ING5: variants seen among roughly 807,000 people sequenced by gnomAD.
ING5 encodes inhibitor of growth protein 5.
In ING5, 17 loss-of-function variants were observed where a neutral mutation model predicts 37.4. That is an observed-to-expected ratio of 0.45 (90% CI 0.31 to 0.68). The LOEUF is 0.68. Among genes scored for constraint, ING5 ranks in the 30% least tolerant of loss-of-function variants. ING5 has a pLI of 0.05. For missense variants in ING5, 233 were observed against 311.9 expected (o/e 0.75, Z 1.91); for synonymous variants, 123 against 116.6 (o/e 1.06, Z -0.36).
At chr2:241,708,907 GA>G (rs1302257480) in intron 2 of ING5, among the ~76,000 whole-genome samples, 2 of 152,232 alleles carry the variant, frequency 1.3e-5, no homozygotes, top group Admixed American at 6.5e-5. Flanking sequence ...CAGGTCATAG[GA>G]AAGGTGGCTA....
chr2:241,712,952 G>A (rs868038476), intron 5 of ING5, among the ~76,000 whole-genome samples: 1 of 148,406 alleles, frequency 6.7e-6, no homozygotes, highest in Non-Finnish European at 1.5e-5. Context: ...CATGAGCCAC[G>A]ATCGCACCAC....
intron 3 of ING5, among the ~76,000 whole-genome samples, chr2:241,710,177 G>C (rs1246573099): frequency 2.0e-5 from 3 of 152,026 alleles, no homozygotes; most frequent in Non-Finnish European, 4.4e-5. Context: ...TGCTATCTCG[G>C]CTCACTGCAA....
At chr2:241,722,115 G>C (rs1320050471) in intron 5 of ING5, 1 of 985,434 alleles carries the variant, frequency 1.0e-6, no homozygotes. Context: ...GGAGGGCCCG[G>C]GCGCAGGACG....
chr2:241,693,564 C>G (rs2069588951), intron 2 of ING5, among the ~76,000 whole-genome samples: 1 of 151,144 alleles, frequency 6.6e-6, no homozygotes, highest in African/African-American at 2.4e-5. Flanking sequence ...AGACACCATA[C>G]AAGAAGGAAT....
chr2:241,718,849 C>T (rs1437259000), intron 5 of ING5, among the ~76,000 whole-genome samples: 1 of 152,200 alleles, frequency 6.6e-6, no homozygotes, highest in Non-Finnish European at 1.5e-5. Context: ...GCCGGGATCA[C>T]AGGCATGTGC....
intron 5 of ING5, among the ~76,000 whole-genome samples, chr2:241,718,419 C>CTTTT (rs1256765166): frequency 1.2e-5 from 1 of 85,822 alleles, no homozygotes; most frequent in Non-Finnish European, 2.3e-5. Context: ...CTCTTTCTGT[C>CTTTT]TTTTTTTTTT....
chr2:241,699,007 C>T (rs1163922878), upstream of ING5, among the ~76,000 whole-genome samples: 2 of 147,252 alleles, frequency 1.4e-5, no homozygotes, highest in African/African-American at 5.2e-5. Flanking sequence ...GGATTACAGG[C>T]GTGAGCCACC....
chr2:241,722,110 G>A, intron 5 of ING5: 1 of 985,424 alleles, frequency 1.0e-6, no homozygotes, highest in Non-Finnish European at 1.2e-6. Flanking sequence ...TGCGTGGAGG[G>A]CCCGGGCGCA....
chr2:241,723,032 C>G lies in ING5; in HGVS notation c.576C>G (p.His192Gln). Residue 192 changes from histidine to glutamine, a missense_variant, in exon 6 of 8, where the codon CAC (histidine) becomes CAG (glutamine). Around this residue, in one of 4 missense-constraint regions of ING5, gnomAD observed 45 missense variants for 98.2 expected, o/e 0.46. Coordinates refer to ENST00000313552, the MANE Select transcript of ING5 (RefSeq NM_032329.6). The stretch of plus-strand genomic sequence containing the variant: ...ACGAACCCACGTACTGCCTGTGCCA[C>G]CAGGTCTCCTATGGGGAGATGATTG... ...DPNEPTYCLC[H>Q]QVSYGEMIGC... 1.9e-6 allele frequency: 3 copies of G among 1,614,224 alleles called. No individual in the cohort carries two copies. Among genetic ancestry groups the G allele is most frequent in the Non-Finnish European group, 2.5e-6 (3 of 1,180,042 alleles).
chr2:241,726,064 G>A lies in ING5; in HGVS notation c.*1033G>A, dbSNP rs1388502839. On this transcript the variant is annotated 3_prime_UTR_variant, in exon 8 of 8. Transcript: ENST00000313552. ...CGGAGCCATCCTTTCGGTGGTAGTT[G>A]GGGAAGGCTATGCAGATTTGCTCTG... The A allele has an allele frequency of 6.6e-6, 1 of 152,642 alleles. No individual in the cohort carries two copies. Among genetic ancestry groups the A allele is most frequent in the African/African-American group, 2.4e-5 (1 of 41,456 alleles). 9.5% of individuals were successfully genotyped at this position (152,642 alleles called of 1,614,324 possible). A position where few individuals can be genotyped will look rare whatever the true frequency, so the allele number is the denominator to read the frequency against.
Position 241,715,876 on chromosome 2 carries a change from TAC to T in ING5, c.482+3806_482+3807del, listed in dbSNP as rs1490098793. On this transcript the variant is annotated intron_variant, in intron 5 of 7. Coordinates refer to ENST00000313552, the MANE Select transcript of ING5 (RefSeq NM_032329.6). Reference sequence around the variant, plus strand: ...TCCAAATAATTTGGGATTTTTCAGATACCTTTCTAATTTTAATTTTTTAGTTG... The same window carrying T: ...TCCAAATAATTTGGGATTTTTCAGATCTTTCTAATTTTAATTTTTTAGTTG... Among the ~76,000 whole-genome samples the T allele has an allele frequency of 2.6e-5, 4 of 152,198 alleles. No individual in the cohort carries two copies. The East Asian group carries it at 7.7e-4, about 29-fold the overall frequency.
At chr2:241,712,310 G>T (rs2070136034) in intron 5 of ING5, 1 of 433,480 alleles carries the variant, frequency 2.3e-6, no homozygotes, top group Non-Finnish European at 4.2e-6. Context: ...GGCTGCTGTG[G>T]TGCGGCTGGG....
At chr2:241,703,721 C>T (rs1373495466) in intron 1 of ING5, among the ~76,000 whole-genome samples, 1 of 152,006 alleles carries the variant, frequency 6.6e-6, no homozygotes, top group African/African-American at 2.4e-5. Context: ...TTCTCATGCC[C>T]TAGCCTCTCG....
chr2:241,719,364 A>C (rs71351113), intron 5 of ING5: 7 of 630,114 alleles, frequency 1.1e-5, no homozygotes, highest in Non-Finnish European at 8.5e-6. Flanking sequence ...GCCGCCCCCA[A>C]CCCCCCAACA....
intron 1 of ING5, among the ~76,000 whole-genome samples, chr2:241,702,699 C>G (rs2124875573): frequency 6.6e-6 from 1 of 152,366 alleles, no homozygotes; most frequent in Middle Eastern, 3.4e-3. Context: ...GCGGGCTGTG[C>G]TGTTTCCAGG....
intron 3 of ING5, among the ~76,000 whole-genome samples, chr2:241,711,073 G>A (rs998393004): frequency 6.6e-6 from 1 of 152,154 alleles, no homozygotes; most frequent in African/African-American, 2.4e-5. Context: ...TTTTAAAGTA[G>A]GGTTCAGCGT....
In ING5 at chr2:241,711,428, G is replaced by T; in HGVS notation, c.328G>T (p.Asp110Tyr). Residue 110 changes from aspartate to tyrosine, a missense_variant, in exon 4 of 8, where the codon GAT becomes TAT. Physicochemically the swap from Asp to Tyr is radical, Grantham distance 160. Coordinates refer to ENST00000313552, the MANE Select transcript of ING5 (RefSeq NM_032329.6). Reference protein sequence around the residue: ...LDADLARFEADLKDKMEGSDF... With the variant: ...LDADLARFEAYLKDKMEGSDF... ...TGCAGACCTGGCGCGCTTTGAAGCAGATCTGAAGGACAAGATGGAGGGCAG... is the reference window on the plus strand; with the variant it reads ...TGCAGACCTGGCGCGCTTTGAAGCATATCTGAAGGACAAGATGGAGGGCAG... 6.2e-7 allele frequency: 1 copy of T among 1,601,700 alleles called. No homozygotes were observed. Among genetic ancestry groups the T allele is most frequent in the Non-Finnish European group, 8.5e-7 (1 of 1,175,038 alleles).
In ING5 at chr2:241,705,895, C is replaced by T. The variant is rs558341343; in HGVS notation, c.109+1171C>T. On this transcript the variant is annotated intron_variant, in intron 2 of 7. Transcript: ENST00000313552. ...TAGGTTGTTAGAATTTGTGGTGAGA[C>T]CAGTGATGGGACTTCCATTGGGCAG... is the stretch of plus-strand genomic sequence containing the variant. 2.6e-5 allele frequency among the ~76,000 whole-genome samples: 4 copies of T among 152,244 alleles called. No homozygotes were observed. In the East Asian group the frequency reaches 7.7e-4, roughly 29 times the overall value.
rs1481395574 is a variant in ING5 at position 241,703,080 on chromosome 2, G to A, written c.37+978G>A. ...GCTCCGCTGTCTCTTGGGGGTCTGA[G>A]TAGTGGGGGGTTCCCTGGGTAGAAG... On this transcript the variant is annotated intron_variant, in intron 1 of 7. Coordinates refer to ENST00000313552, the MANE Select transcript of ING5 (RefSeq NM_032329.6). 4.6e-5 allele frequency among the ~76,000 whole-genome samples: 7 copies of A among 152,208 alleles called. 1 individual carries two copies. The highest frequency in any genetic ancestry group is 1.0e-4 in the Non-Finnish European group (7 of 68,038).
Sources: allele counts gnomAD v4.1 joint callset (sites outside exome capture counted in the v4.1 genomes callset), GRCh38; gene constraint gnomAD v4.1.1; regional missense constraint gnomAD v4.1.1; transcripts MANE v1.5; gene names NCBI Gene and HGNC (gene_info 2026-07-23, HGNC 2026-07-21).